The following TRPM3 variants were observed in gnomAD, a reference collection of about 807,000 sequenced individuals.
TRPM3 encodes the protein long transient receptor potential channel 3.
TRPM3 carries 77 observed loss-of-function variants against 181.2 expected under a neutral mutation model. The ratio of observed to expected loss-of-function variants is 0.42; its 90% CI spans 0.35 to 0.51. The LOEUF is 0.51. Ranked by LOEUF, TRPM3 falls within the 20% of genes least tolerant of loss-of-function variation. The probability of loss-of-function intolerance (pLI) is 0.01; values close to 1 mark genes in which losing one functional copy is unlikely to be tolerated. For missense variants in TRPM3, 1,759 were observed against 2,196.7 expected, an observed-to-expected ratio of 0.80 and a Z score of 3.98; for synonymous variants, 745 against 796.4, an observed-to-expected ratio of 0.94 and a Z score of 1.09.
intron 8 of TRPM3, among the ~76,000 whole-genome samples, chr9:70,756,984 A>C (rs1270751201): frequency 3.3e-5 from 5 of 152,172 alleles, no homozygotes; most frequent in African/African-American, 1.2e-4. Context: ...AATAACTAAG[A>C]TCAGAGCAGA....
At chr9:70,691,926 G>T (rs2068707022) in intron 8 of TRPM3, among the ~76,000 whole-genome samples, 2 of 152,150 alleles carry the variant, frequency 1.3e-5, no homozygotes, top group Non-Finnish European at 2.9e-5. Flanking sequence ...GGCCAGTAAA[G>T]CCCCCTTCCT....
rs569834714 is a variant in TRPM3, at chr9:70,648,205, T to G, written c.1346-7545A>C. On this transcript the variant is annotated intron_variant, in intron 9 of 25. Transcript: ENST00000677713. ...ATTAGAAAAAACTGGCCAGGTTTGG[T>G]GGCTTATGCCTGTATTACCAGCATT... Among the ~76,000 whole-genome samples the G allele has an allele frequency of 3.3e-5, 5 of 152,316 alleles. No individual in the cohort carries two copies. The East Asian group carries it at 9.7e-4, about 29-fold the overall frequency.
At chr9:70,633,055 G>A (rs1391809435) in intron 12 of TRPM3, among the ~76,000 whole-genome samples, 1 of 152,174 alleles carries the variant, frequency 6.6e-6, no homozygotes, top group Non-Finnish European at 1.5e-5. Flanking sequence ...TTGCTGGGAG[G>A]CTGGGTCATT....
chr9:70,846,305 C>T, intron 4 of TRPM3, 73 bp downstream of exon 4: 1 of 1,427,378 alleles, frequency 7.0e-7, no homozygotes, highest in Non-Finnish European at 9.9e-7. Flanking sequence ...AATAATTAAT[C>T]TTAGCAGAAA....
At chr9:70,750,776 CTGG>C (rs962709074) in intron 8 of TRPM3, among the ~76,000 whole-genome samples, 3 of 152,064 alleles carry the variant, frequency 2.0e-5, no homozygotes, top group Non-Finnish European at 4.4e-5. Context: ...CTGGGAAGCA[CTGG>C]AGGATGTTGG....
At chr9:71,024,277 A>C (rs1205818310) in intron 1 of TRPM3, among the ~76,000 whole-genome samples, 2 of 152,202 alleles carry the variant, frequency 1.3e-5, no homozygotes, top group Non-Finnish European at 2.9e-5. Flanking sequence ...ACCTAGGCAT[A>C]CCCATTGGGA....
At chr9:71,427,957 T>C (rs926778202) in intron 1 of TRPM3, among the ~76,000 whole-genome samples, 1 of 152,182 alleles carries the variant, frequency 6.6e-6, no homozygotes, top group South Asian at 2.1e-4. Flanking sequence ...AAATGTGTTG[T>C]CATAATTTGG....
At chr9:70,834,735 T>C (rs1390189234) in intron 5 of TRPM3, among the ~76,000 whole-genome samples, 1 of 152,190 alleles carries the variant, frequency 6.6e-6, no homozygotes, top group African/African-American at 2.4e-5. Flanking sequence ...TACTGCAGCT[T>C]GATCCAAACC....
intron 1 of TRPM3, among the ~76,000 whole-genome samples, chr9:71,343,213 C>G: frequency 6.6e-6 from 1 of 151,476 alleles, no homozygotes; most frequent in East Asian, 1.9e-4. Context: ...ATTTAGCATA[C>G]AAAAATAAGT....
chr9:71,256,655 A>C (rs1176726279), intron 1 of TRPM3, among the ~76,000 whole-genome samples: 1 of 152,176 alleles, frequency 6.6e-6, no homozygotes, highest in Non-Finnish European at 1.5e-5. Flanking sequence ...GGAGGAATGC[A>C]TGAGAGCCAT....
At chr9:70,649,903 A>G (rs183038183) in intron 9 of TRPM3, among the ~76,000 whole-genome samples, 1 of 152,188 alleles carries the variant, frequency 6.6e-6, no homozygotes, top group Non-Finnish European at 1.5e-5. Flanking sequence ...GAGACATGGA[A>G]TCAACCCTGC....
intron 1 of TRPM3, among the ~76,000 whole-genome samples, chr9:71,194,431 T>C (rs1182311815): frequency 2.0e-5 from 3 of 151,934 alleles, no homozygotes; most frequent in East Asian, 1.9e-4. Context: ...CCAACAGAAC[T>C]GGGCAAAAGA....
At chr9:71,265,594 C>T (rs529363265) in intron 1 of TRPM3, among the ~76,000 whole-genome samples, 20 of 152,276 alleles carry the variant, frequency 1.3e-4, no homozygotes, top group Admixed American at 1.0e-3. Context: ...CTTATCCTGT[C>T]ACTTGTTTTC....
chr9:71,353,518 G>A (rs900843828), intron 1 of TRPM3, among the ~76,000 whole-genome samples: 2 of 152,108 alleles, frequency 1.3e-5, no homozygotes, highest in African/African-American at 4.8e-5. Context: ...AACAGTCAGG[G>A]CATCTCATCA....
intron 4 of TRPM3, among the ~76,000 whole-genome samples, chr9:70,844,588 G>A (rs1352647063): frequency 6.6e-6 from 1 of 152,136 alleles, no homozygotes; most frequent in Non-Finnish European, 1.5e-5. Flanking sequence ...GAAGTTTAAC[G>A]TTATGGTATG....
chr9:71,127,369 G>A (rs921835431), intron 1 of TRPM3, among the ~76,000 whole-genome samples: 23 of 148,384 alleles, frequency 1.6e-4, no homozygotes, highest in African/African-American at 5.7e-4. Flanking sequence ...TCTAACAGAG[G>A]TGGTGGCGGG....
intron 22 of TRPM3, among the ~76,000 whole-genome samples, chr9:70,563,901 C>T (rs956794114): frequency 5.9e-5 from 9 of 152,192 alleles, no homozygotes; most frequent in African/African-American, 2.2e-4. Context: ...TGCTTCCTGT[C>T]TTTGAATGCC....
At chr9:71,214,549 T>C (rs2079724750) in intron 1 of TRPM3, among the ~76,000 whole-genome samples, 1 of 152,118 alleles carries the variant, frequency 6.6e-6, no homozygotes, top group Admixed American at 6.5e-5. Flanking sequence ...AATTATACAG[T>C]TTTTTCTCTA....
At position 70,618,944 on chromosome 9, in the gene TRPM3, C is replaced by T. The variant is rs1330629365; in HGVS notation, c.2281G>A (p.Ala761Thr). 1 of 1,613,768 alleles carries T rather than the reference C, an allele frequency of 6.2e-7. No homozygotes were observed. Among genetic ancestry groups the T allele is most frequent in the South Asian group, 1.1e-5 (1 of 91,080 alleles). Residue 761 changes from alanine to threonine, a missense_variant, in exon 17 of 26, where the codon GCG (alanine) becomes ACG (threonine). By Grantham distance (58) the Ala-to-Thr change is moderately conservative (BLOSUM62 0). Around this residue, in one of 8 missense-constraint regions of TRPM3, gnomAD observed 4 missense variants for 23.1 expected, o/e 0.17. Transcript: ENST00000677713. ...AGCAGCATCTGGCTGCACGTGTGCG[C>T]GATGAAGTCGCGGTGTTTGGCAGCC... ...AVAAKHRDFI[A>T]HTCSQMLLTD... is the part of the protein sequence containing the mutation.
Sources: allele counts gnomAD v4.1 joint callset (sites outside exome capture counted in the v4.1 genomes callset), GRCh38; gene constraint gnomAD v4.1.1; regional missense constraint gnomAD v4.1.1; transcripts MANE v1.5; gene names NCBI Gene and HGNC (gene_info 2026-07-23, HGNC 2026-07-21).